CEMIP: variants seen among roughly 807,000 people sequenced by gnomAD.
CEMIP encodes the protein cell migration-inducing and hyaluronan-binding protein.
In CEMIP, 105 loss-of-function variants were observed where a neutral mutation model predicts 156.9. The observed-to-expected ratio is 0.67, with a 90% CI of 0.57 to 0.79. The LOEUF (loss-of-function observed/expected upper bound fraction) is 0.79. CEMIP is among the 30% of genes least tolerant of loss of function. The pLI is 0.00. For missense variants in CEMIP, 1,457 were observed against 1,769.4 expected (o/e 0.82, Z 3.17); for synonymous variants, 676 against 668.4 (o/e 1.01, Z -0.17).
chr15:80,795,964 GA>G (rs1896213515), intron 1 of CEMIP, among the ~76,000 whole-genome samples: 1 of 152,100 alleles, frequency 6.6e-6, no homozygotes, highest in Non-Finnish European at 1.5e-5. Flanking sequence ...TATCTCTGAG[GA>G]AATGATACAA....
intron 1 of CEMIP, among the ~76,000 whole-genome samples, chr15:80,841,199 T>G (rs1229618996): frequency 3.3e-5 from 5 of 152,232 alleles, no homozygotes; most frequent in Non-Finnish European, 7.3e-5. Context: ...GATGTTTGTA[T>G]GAAACTTCCC....
At chr15:80,779,971 C>T (rs867492603) in intron 1 of CEMIP, among the ~76,000 whole-genome samples, 8 of 152,036 alleles carry the variant, frequency 5.3e-5, no homozygotes, top group South Asian at 2.1e-4. Flanking sequence ...GGGGCTTGCG[C>T]CCGGGAGAGT....
At chr15:80,784,543 G>A (rs1895879998) in intron 1 of CEMIP, among the ~76,000 whole-genome samples, 2 of 152,212 alleles carry the variant, frequency 1.3e-5, no homozygotes, top group Admixed American at 1.3e-4. Context: ...GGCTCTGCCA[G>A]TCAGGAAAGG....
chr15:80,843,778 CCTCTGGGTG>C (rs1460158966), intron 1 of CEMIP, among the ~76,000 whole-genome samples: 1 of 152,200 alleles, frequency 6.6e-6, no homozygotes, highest in Non-Finnish European at 1.5e-5. Flanking sequence ...AGGGGCTCTT[CCTCTGGGTG>C]CTCTGTCACC....
chr15:80,898,195 G>C (rs528381525), intron 12 of CEMIP, among the ~76,000 whole-genome samples: 12 of 152,302 alleles, frequency 7.9e-5, no homozygotes, highest in Admixed American at 2.6e-4. Flanking sequence ...CATGGGCTTT[G>C]GAACAAGACA....
At chr15:80,935,341 A>G (rs112735434) in intron 23 of CEMIP, among the ~76,000 whole-genome samples, 1 of 152,194 alleles carries the variant, frequency 6.6e-6, no homozygotes, top group African/African-American at 2.4e-5. Context: ...TAGGTATCCC[A>G]TATGGAGCCT....
intron 1 of CEMIP, among the ~76,000 whole-genome samples, chr15:80,823,211 G>A (rs748564733): frequency 4.6e-5 from 7 of 152,170 alleles, no homozygotes; most frequent in African/African-American, 1.7e-4. Flanking sequence ...CCCCTGGGGA[G>A]TCTCGGCCTG....
chr15:80,883,028 T>G (rs1361322389), intron 6 of CEMIP, among the ~76,000 whole-genome samples: 1 of 152,180 alleles, frequency 6.6e-6, no homozygotes, highest in East Asian at 1.9e-4. Flanking sequence ...TGGACCAGAT[T>G]GTGCCAACAG....
chr15:80,901,359 C>T (rs917028937), intron 12 of CEMIP, among the ~76,000 whole-genome samples: 1 of 152,004 alleles, frequency 6.6e-6, no homozygotes, highest in African/African-American at 2.4e-5. Context: ...ATGGTGGCCA[C>T]GAGCCACATG....
intron 1 of CEMIP, among the ~76,000 whole-genome samples, chr15:80,820,752 C>T (rs1273610614): frequency 6.6e-6 from 1 of 152,212 alleles, no homozygotes; most frequent in Non-Finnish European, 1.5e-5. Context: ...TTTCAAACCT[C>T]AGTTTTCTCA....
At chr15:80,865,331 G>A (rs1384705084) in intron 1 of CEMIP, among the ~76,000 whole-genome samples, 2 of 151,934 alleles carry the variant, frequency 1.3e-5, no homozygotes, top group East Asian at 1.9e-4. Flanking sequence ...ACGGGCTCGC[G>A]CCACCACGCC....
chr15:80,890,231 C>G (rs1234882134), intron 10 of CEMIP, among the ~76,000 whole-genome samples: 8 of 151,918 alleles, frequency 5.3e-5, no homozygotes, highest in Admixed American at 5.2e-4. Context: ...CTCCTTATGC[C>G]CAGTCTCATT....
chr15:80,935,515 G>A (rs917612639), intron 23 of CEMIP, among the ~76,000 whole-genome samples: 1 of 152,074 alleles, frequency 6.6e-6, no homozygotes, highest in Admixed American at 6.5e-5. Context: ...TTTAATGTAC[G>A]CTTTACCTTC....
intron 1 of CEMIP, among the ~76,000 whole-genome samples, chr15:80,857,684 G>A (rs970559094): frequency 1.3e-5 from 2 of 152,204 alleles, no homozygotes; most frequent in Non-Finnish European, 2.9e-5. Flanking sequence ...GGGTGATGCT[G>A]ATGTTGCTGG....
chr15:80,861,086 G>A (rs1438125800), intron 1 of CEMIP, among the ~76,000 whole-genome samples: 3 of 152,066 alleles, frequency 2.0e-5, no homozygotes, highest in Non-Finnish European at 4.4e-5. Flanking sequence ...TCCGACAACT[G>A]GACTGTGAGC....
rs746700380 is a variant in CEMIP at position 80,920,078 on chromosome 15, G to C, written c.1798-16G>C. 4 of 1,613,354 alleles carry C rather than the reference G, an allele frequency of 2.5e-6. No homozygotes were observed. In the South Asian group the frequency reaches 4.4e-5, roughly 18 times the overall value. On this transcript the variant is annotated splice_polypyrimidine_tract_variant and intron_variant, in intron 14 of 29. Coordinates refer to ENST00000394685, the MANE Select transcript of CEMIP (RefSeq NM_001293298.2). Reference sequence around the variant, plus strand: ...ACTGGATGCTTGGTGAAACACCCCTGTCTTGACCCCTGCAGATCAAGGACG... The same window carrying C: ...ACTGGATGCTTGGTGAAACACCCCTCTCTTGACCCCTGCAGATCAAGGACG...
chr15:80,875,096 T>C (rs1898432207), intron 3 of CEMIP, among the ~76,000 whole-genome samples: 1 of 147,226 alleles, frequency 6.8e-6, no homozygotes, highest in South Asian at 2.2e-4. Context: ...TGCAGTGATA[T>C]GATCGTGGTT....
At chr15:80,829,353 C>G (rs569677795) in intron 1 of CEMIP, among the ~76,000 whole-genome samples, 1 of 152,336 alleles carries the variant, frequency 6.6e-6, no homozygotes, top group African/African-American at 2.4e-5. Flanking sequence ...TGTTGCTCAG[C>G]TGATGCCTTT....
Position 80,878,841 on chromosome 15 carries a change from T to C in CEMIP, c.215T>C (p.Val72Ala). Residue 72 changes from valine (V) to alanine (A), a missense_variant, in exon 4 of 30, where the codon GTC (valine) becomes GCC (alanine). This residue lies in a region of CEMIP where 309 missense variants were observed against 340.8 expected (regional missense o/e 0.91). Coordinates refer to ENST00000394685, the MANE Select transcript of CEMIP (RefSeq NM_001293298.2). ...CTGCTGCTCACCTCTTCTGCCACGG[T>C]CTATTCCATCCACATCTCAGAGGGA... ...KTLLLTSSAT[V>A]YSIHISEGGK... is the part of the protein sequence containing the mutation. The C allele has an allele frequency of 6.2e-7, 1 of 1,614,166 alleles. No homozygotes were observed. Among genetic ancestry groups the C allele is most frequent in the Non-Finnish European group, 8.5e-7 (1 of 1,180,020 alleles).
Sources: gnomAD v4.1 joint callset for allele counts (sites outside exome capture counted in the v4.1 genomes callset) on GRCh38, gnomAD v4.1.1 for gene constraint, gnomAD v4.1.1 regional missense constraint, MANE v1.5 for transcripts, NCBI Gene and HGNC (gene_info 2026-07-23, HGNC 2026-07-21) for gene names.